The following AGAP1 variants were observed in gnomAD, a reference collection of about 807,000 sequenced individuals.
The protein encoded by AGAP1 is arf-GAP with GTPase, ANK repeat and PH domain-containing protein 1.
A neutral mutation model predicts 105.3 loss-of-function variants in AGAP1; 29 were observed. That is an observed-to-expected ratio of 0.28 (90% CI 0.21 to 0.38). AGAP1 has a LOEUF of 0.38. Among genes scored for constraint, AGAP1 ranks in the 10% least tolerant of loss-of-function variants. The pLI, the probability that AGAP1 is intolerant of heterozygous loss-of-function variation, is 1.00. For synonymous variants in AGAP1, 509 were observed against 485.9 expected (o/e 1.05, Z -0.63); for missense variants, 998 against 1,165.1 (o/e 0.86, Z 2.09).
chr2:235,857,842 G>A (rs532788685), intron 9 of AGAP1, among the ~76,000 whole-genome samples: 14 of 152,332 alleles, frequency 9.2e-5, no homozygotes, highest in African/African-American at 2.9e-4. Context: ...CAGTAAAAGC[G>A]CTGGAAGAAC....
intron 11 of AGAP1, among the ~76,000 whole-genome samples, chr2:235,928,656 G>C (rs1338990922): frequency 6.6e-6 from 1 of 152,212 alleles, no homozygotes; most frequent in Non-Finnish European, 1.5e-5. Flanking sequence ...CGGGCTCCAG[G>C]AGGGGGTCCC....
intron 1 of AGAP1, among the ~76,000 whole-genome samples, chr2:235,641,965 C>G (rs576251729): frequency 1.3e-5 from 2 of 152,346 alleles, no homozygotes; most frequent in East Asian, 3.9e-4. Context: ...GTCTTCATTC[C>G]CATTTTGTGA....
chr2:235,593,781 T>C (rs1305825336), intron 1 of AGAP1, among the ~76,000 whole-genome samples: 4 of 152,026 alleles, frequency 2.6e-5, no homozygotes, highest in African/African-American at 9.6e-5. Flanking sequence ...CCGGGCAACA[T>C]AGTGAGACCC....
chr2:236,103,125 C>T, intron 16 of AGAP1, among the ~76,000 whole-genome samples: 1 of 152,048 alleles, frequency 6.6e-6, no homozygotes, highest in Non-Finnish European at 1.5e-5. Flanking sequence ...GCGCCTCCTC[C>T]CTGCTCCAGA....
intron 1 of AGAP1, among the ~76,000 whole-genome samples, chr2:235,678,740 C>T (rs1210200084): frequency 3.3e-5 from 5 of 152,036 alleles, no homozygotes; most frequent in Non-Finnish European, 5.9e-5. Flanking sequence ...GCCTCCCTCC[C>T]GCCCCCACCT....
intron 1 of AGAP1, among the ~76,000 whole-genome samples, chr2:235,694,693 G>A (rs1356118964): frequency 6.6e-6 from 1 of 152,084 alleles, no homozygotes; most frequent in Non-Finnish European, 1.5e-5. Context: ...ACCTTCCCAA[G>A]GACACTTGCT....
intron 16 of AGAP1, among the ~76,000 whole-genome samples, chr2:236,106,004 G>A (rs1439122218): frequency 6.6e-6 from 1 of 152,180 alleles, no homozygotes; most frequent in East Asian, 1.9e-4. Flanking sequence ...CACACAGGGG[G>A]TTAGGGCTTC....
chr2:235,983,947 C>G lies in AGAP1; in HGVS notation c.1645+15324C>G, dbSNP rs1056149712. ...TTTAATTGTTTTTAAGTGTTCAATTCAGTGCCGTTGAATTATATTTTCACA... is the reference window on the plus strand; with the variant it reads ...TTTAATTGTTTTTAAGTGTTCAATTGAGTGCCGTTGAATTATATTTTCACA... On this transcript the variant is annotated intron_variant, in intron 13 of 17. Coordinates refer to ENST00000304032, the MANE Select transcript of AGAP1 (RefSeq NM_001037131.3). The surrounding 1 kb of genome is among the most constrained non-coding windows in gnomAD (Gnocchi z 4.5). 2.0e-5 allele frequency among the ~76,000 whole-genome samples: 3 copies of G among 152,220 alleles called. No homozygotes were observed. Among genetic ancestry groups the G allele is most frequent in the African/African-American group, 7.2e-5 (3 of 41,452 alleles).
At chr2:235,933,472 G>A (rs2052825841) in intron 12 of AGAP1, among the ~76,000 whole-genome samples, 1 of 152,052 alleles carries the variant, frequency 6.6e-6, no homozygotes, top group Non-Finnish European at 1.5e-5. Flanking sequence ...CAGCAGAATG[G>A]TGCACAGAAG....
chr2:235,751,417 G>A lies in AGAP1; in HGVS notation c.673+929G>A, dbSNP rs1953428275. ...CTCTGGTGCCCAGGGGGTTGTCGGG[G>A]GCAGAGCAGGGCAGCCACACTCGGG... On this transcript the variant is annotated intron_variant, in intron 6 of 17. Coordinates refer to ENST00000304032, the MANE Select transcript of AGAP1 (RefSeq NM_001037131.3). This position sits in a 1 kb window ranked among gnomAD's most constrained non-coding sequence, Gnocchi z 5.3. Among the ~76,000 whole-genome samples, 2 of 152,062 alleles carry A rather than the reference G, an allele frequency of 1.3e-5. No individual in the cohort carries two copies. Among genetic ancestry groups the A allele is most frequent in the South Asian group, 4.1e-4 (2 of 4,830 alleles).
chr2:235,837,598 G>A (rs1443519069), intron 9 of AGAP1, among the ~76,000 whole-genome samples: 1 of 152,128 alleles, frequency 6.6e-6, no homozygotes, highest in Non-Finnish European at 1.5e-5. Context: ...CTCTTCCCCA[G>A]GGTTGTTGGT....
At chr2:236,029,271 C>T (rs1372749535) in intron 13 of AGAP1, among the ~76,000 whole-genome samples, 1 of 149,368 alleles carries the variant, frequency 6.7e-6, no homozygotes, top group African/African-American at 2.5e-5. Flanking sequence ...TCCTGAAATA[C>T]ATCCTTTTTT....
rs2149232683 is a variant in AGAP1, at chr2:235,600,023, A to G, written c.163+105174A>G. The stretch of plus-strand genomic sequence containing the variant: ...ATGAGTAGGTGCAAACTGCAGCCAC[A>G]GTAAACTTCAGGGTGTCAACTTCAG... On this transcript the variant is annotated intron_variant, in intron 1 of 17. Coordinates refer to ENST00000304032, the MANE Select transcript of AGAP1 (RefSeq NM_001037131.3). The surrounding 1 kb of genome is among the most constrained non-coding windows in gnomAD (Gnocchi z 4.8). Among the ~76,000 whole-genome samples the G allele has an allele frequency of 6.6e-6, 1 of 152,350 alleles. No homozygotes were observed. The highest frequency in any genetic ancestry group is 2.4e-5 in the African/African-American group (1 of 41,588).
intron 1 of AGAP1, among the ~76,000 whole-genome samples, chr2:235,632,666 T>TG (rs1946865974): frequency 6.6e-6 from 1 of 152,224 alleles, no homozygotes; most frequent in African/African-American, 2.4e-5. Flanking sequence ...TAGCTCCACC[T>TG]GGCCTCCCTC....
intron 9 of AGAP1, among the ~76,000 whole-genome samples, chr2:235,819,635 C>G (rs979114858): frequency 6.6e-6 from 1 of 152,136 alleles, no homozygotes; most frequent in African/African-American, 2.4e-5. Context: ...TCCAGGTAAA[C>G]CAATGAGATG....
chr2:235,528,325 A>T (rs1163942857), intron 1 of AGAP1, among the ~76,000 whole-genome samples: 1 of 151,118 alleles, frequency 6.6e-6, no homozygotes, highest in African/African-American at 2.4e-5. Context: ...GCCCGGCTCC[A>T]TCCACCATCT....
At chr2:235,546,131 C>T (rs915204755) in intron 1 of AGAP1, among the ~76,000 whole-genome samples, 12 of 152,200 alleles carry the variant, frequency 7.9e-5, no homozygotes, top group African/African-American at 2.9e-4. Context: ...GGATGGGGGA[C>T]AGCTGTCATC....
At chr2:235,761,161 A>G (rs1417328787) in intron 6 of AGAP1, among the ~76,000 whole-genome samples, 3 of 152,194 alleles carry the variant, frequency 2.0e-5, no homozygotes, top group African/African-American at 7.2e-5. Context: ...TGCTGCAAAC[A>G]ACCAGAGACA....
rs1484972043 is a variant in AGAP1 at position 235,893,208 on chromosome 2, G to T, written c.1155+9759G>T. 6.6e-6 allele frequency among the ~76,000 whole-genome samples: 1 copy of T among 151,488 alleles called. No homozygotes were observed. The highest frequency in any genetic ancestry group is 1.5e-5 in the Non-Finnish European group (1 of 67,878). On this transcript the variant is annotated intron_variant, in intron 10 of 17. Transcript: ENST00000304032. This position sits in a 1 kb window ranked among gnomAD's most constrained non-coding sequence, Gnocchi z 4.7. ...CGCGGGTGTGGCGTGGGTGTGCCAT[G>T]TCCATCATAATGAAGCACCATGTCT...
Sources: gnomAD v4.1 joint callset for allele counts (sites outside exome capture counted in the v4.1 genomes callset) on GRCh38, gnomAD v4.1.1 for gene constraint, Gnocchi (gnomAD v3.1) non-coding constraint, MANE v1.5 for transcripts, NCBI Gene and HGNC (gene_info 2026-07-23, HGNC 2026-07-21) for gene names.